RPGRIP1: variants seen among roughly 807,000 people sequenced by gnomAD.
RPGRIP1 encodes RPGR interacting protein 1, also known as X-linked retinitis pigmentosa GTPase regulator-interacting protein 1.
In RPGRIP1, 128 loss-of-function variants were observed where a neutral mutation model predicts 157.9. The observed-to-expected ratio is 0.81, with a 90% CI of 0.70 to 0.94. The LOEUF (loss-of-function observed/expected upper bound fraction) is 0.94. Ranked by LOEUF, RPGRIP1 falls within the 40% of genes least tolerant of loss-of-function variation. RPGRIP1 has a pLI of 0.00. For missense variants in RPGRIP1, 1,486 were observed against 1,545.8 expected (o/e 0.96, Z 0.65); for synonymous variants, 554 against 571.6 (o/e 0.97, Z 0.44).
intron 11 of RPGRIP1, among the ~76,000 whole-genome samples, chr14:21,318,428 A>G (rs1882016210): frequency 6.6e-6 from 1 of 151,558 alleles, no homozygotes. Context: ...TTTTTAATTT[A>G]TTATGTTTTT....
chr14:21,311,973 AAAT>A lies in RPGRIP1; in HGVS notation c.1077+11_1077+13del, dbSNP rs1240480666. The A allele has an allele frequency of 2.5e-6, 4 of 1,610,944 alleles. No homozygotes were observed. The South Asian group carries it at 3.3e-5, about 13-fold the overall frequency. On this transcript the variant is annotated splice_donor_5th_base_variant and intron_variant, in intron 9 of 24. Transcript: ENST00000400017. ...TCTTGCAGATGACTCTGAAGGAGGT[AAAT>A]AATAATAGTTGAAAGATACCATCTA...
chr14:21,284,540 A>ATTTTTTTTTTTTTTTTTTTTT (rs67923336), intron 1 of RPGRIP1, among the ~76,000 whole-genome samples: 1 of 130,462 alleles, frequency 7.7e-6, no homozygotes, highest in Non-Finnish European at 1.6e-5. Context: ...GGAGAACTAA[A>ATTTTTTTTTTTTTTTTTTTTT]TTTTTTTTTT....
At chr14:21,315,465 C>T (rs368963505) in intron 10 of RPGRIP1, among the ~76,000 whole-genome samples, 3 of 150,930 alleles carry the variant, frequency 2.0e-5, no homozygotes, top group Non-Finnish European at 4.4e-5. Flanking sequence ...CGAGATCGCG[C>T]CACTGCACTC....
chr14:21,325,734 C>G (rs1883008947), intron 16 of RPGRIP1, 97 bp from the exon 17 acceptor site: 1 of 898,308 alleles, frequency 1.1e-6, no homozygotes, highest in African/African-American at 1.7e-5. Context: ...GATAGCTGTT[C>G]TCTAGATCAT....
In RPGRIP1 at chr14:21,325,959, T is replaced by C. The variant is rs1883047452; in HGVS notation, c.2496T>C (p.Ser832=). Residue 832 remains serine, a synonymous_variant, in exon 17 of 25, where the codon TCT becomes TCC. Transcript: ENST00000400017. ...PYAVYRFFTF[S]DHDTAIIPAS... is the part of the protein sequence containing the mutation. Reference sequence around the variant, plus strand: ...CTGTGTACCGCTTCTTCACCTTTTCTGACCATGACACTGCCATCATTCCAG... The same window carrying C: ...CTGTGTACCGCTTCTTCACCTTTTCCGACCATGACACTGCCATCATTCCAG... The C allele has an allele frequency of 1.2e-6, 2 of 1,613,918 alleles. No individual in the cohort carries two copies. The highest frequency in any genetic ancestry group is 1.3e-5 in the African/African-American group (1 of 74,942).
rs758886206 is a variant in RPGRIP1, at chr14:21,321,388, A to T, written c.1597A>T (p.Asn533Tyr). The change falls in exon 13 of 25, where the codon AAC becomes TAC. Residue 533 changes from asparagine to tyrosine, a missense_variant. Physicochemically the swap from Asn to Tyr is moderately radical, Grantham distance 143. Transcript: ENST00000400017. ...CATGCTTATTCTGCAGCGCAAAATCAACGTGTGTTATCAGGTGCAAGGAAA... is the reference window on the plus strand; with the variant it reads ...CATGCTTATTCTGCAGCGCAAAATCTACGTGTGTTATCAGGTGCAAGGAAA... ...RDMLILQRKI[N>Y]VCYQEELEAM... The T allele has an allele frequency of 1.5e-5, 24 of 1,611,338 alleles. No individual in the cohort carries two copies. The Middle Eastern group carries it at 4.9e-4, about 33-fold the overall frequency.
At chr14:21,344,403 T>C (rs1012246939) in intron 22 of RPGRIP1, among the ~76,000 whole-genome samples, 3 of 152,200 alleles carry the variant, frequency 2.0e-5, no homozygotes, top group Non-Finnish European at 4.4e-5. Flanking sequence ...CTCTCCATCC[T>C]CTTGTTCTGC....
At position 21,317,782 on chromosome 14, in the gene RPGRIP1, T is replaced by G. The variant is rs1486475994; in HGVS notation, c.1238T>G (p.Leu413Arg). ...CAGCTACAGCAGCAAGTCTCTCAGC[T>G]GCAGGATCAGCTGGATGCTGAGCTG... ...AEQLQQQVSQ[L>R]QDQLDAELED... Residue 413 changes from leucine (L) to arginine (R), a missense_variant, in exon 11 of 25, where the codon CTG (leucine) becomes CGG (arginine). By Grantham distance (102) the Leu-to-Arg change is moderately radical. Coordinates refer to ENST00000400017, the MANE Select transcript of RPGRIP1 (RefSeq NM_020366.4). The G allele has an allele frequency of 1.2e-6, 2 of 1,602,226 alleles. No homozygotes were observed. Among genetic ancestry groups the G allele is most frequent in the Non-Finnish European group, 8.5e-7 (1 of 1,174,402 alleles).
chr14:21,301,616 G>A (rs1420889026), intron 4 of RPGRIP1, among the ~76,000 whole-genome samples: 1 of 151,486 alleles, frequency 6.6e-6, no homozygotes, highest in Non-Finnish European at 1.5e-5. Flanking sequence ...GGCGGAGGTT[G>A]CAGTGAGCTG....
At chr14:21,342,332 C>T (rs1440580275) in intron 21 of RPGRIP1, among the ~76,000 whole-genome samples, 2 of 151,994 alleles carry the variant, frequency 1.3e-5, no homozygotes, top group Non-Finnish European at 2.9e-5. Context: ...TGCTTGAGTC[C>T]AGGAGTTCTA....
chr14:21,345,040 A>G (rs1453563132), intron 22 of RPGRIP1, 73 bp from the exon 23 acceptor site: 1 of 936,184 alleles, frequency 1.1e-6, no homozygotes, highest in Admixed American at 1.8e-5. Flanking sequence ...CATGAATACC[A>G]CTAATGAAAG....
Position 21,310,169 on chromosome 14 carries a change from G to A in RPGRIP1, c.907-415G>A, listed in dbSNP as rs1285202669. Among the ~76,000 whole-genome samples the A allele has an allele frequency of 2.3e-5, 3 of 129,774 alleles. 1 individual carries two copies. The highest frequency in any genetic ancestry group is 2.3e-4 in the East Asian group (1 of 4,370). 85.1% of individuals were successfully genotyped at this position (129,774 alleles called of 152,430 possible). On this transcript the variant is annotated intron_variant, in intron 7 of 24. Transcript: ENST00000400017. ...GTGAAATGATTATAATGATCATGAT[G>A]TGGCAGGTAATGAAACACATAGTAA...
intron 10 of RPGRIP1, among the ~76,000 whole-genome samples, chr14:21,315,422 T>G (rs1273920161): frequency 1.2e-4 from 18 of 150,184 alleles, no homozygotes; most frequent in African/African-American, 3.9e-4. Context: ...CAGGACAATG[T>G]CGTGAATCCG....
At chr14:21,348,429 C>T in intron 24 of RPGRIP1, 127 bp downstream of exon 24, 1 of 722,334 alleles carries the variant, frequency 1.4e-6, no homozygotes, top group South Asian at 2.2e-5. Flanking sequence ...GAAATCTTAT[C>T]CCTACAACTG....
At chr14:21,345,363 C>T (rs1160173072) in intron 23 of RPGRIP1, among the ~76,000 whole-genome samples, 166 bp downstream of exon 23, 2 of 152,010 alleles carry the variant, frequency 1.3e-5, no homozygotes, top group Non-Finnish European at 2.9e-5. Flanking sequence ...TTGTGACTAC[C>T]TAATCCATTA....
intron 3 of RPGRIP1, among the ~76,000 whole-genome samples, chr14:21,297,664 C>T (rs555787800): frequency 6.6e-6 from 1 of 152,148 alleles, no homozygotes; most frequent in East Asian, 1.9e-4. Flanking sequence ...AGAATATGCA[C>T]ACCAGGGGAA....
chr14:21,343,534 A>G (rs945351001), intron 22 of RPGRIP1, among the ~76,000 whole-genome samples: 8 of 152,100 alleles, frequency 5.3e-5, no homozygotes, highest in Admixed American at 4.6e-4. Context: ...TCTGTTGCCC[A>G]GGCTAGAATG....
At position 21,320,065 on chromosome 14, in the gene RPGRIP1, A is replaced by G. The variant is rs1436629419; in HGVS notation, c.1355A>G (p.His452Arg). ...KLEVTNILQK[H>R]KQEVELLQNA... ...GAAGTCACCAACATACTTCAGAAGC[A>G]TAAACAGGAAGTAGAGCTCCTCCAA... The change falls in exon 12 of 25, where the codon CAT (histidine) becomes CGT (arginine). Residue 452 changes from histidine (H) to arginine (R), a missense_variant. Transcript: ENST00000400017. The G allele has an allele frequency of 8.1e-6, 13 of 1,613,602 alleles. No homozygotes were observed. The highest frequency in any genetic ancestry group is 2.2e-5 in the East Asian group (1 of 44,878).
At chr14:21,287,039 G>A (rs1437704907) in intron 1 of RPGRIP1, among the ~76,000 whole-genome samples, 1 of 149,396 alleles carries the variant, frequency 6.7e-6, no homozygotes, top group African/African-American at 2.5e-5. Flanking sequence ...AAAAAAAGAG[G>A]AAAGAAAGAG....
Sources: gnomAD v4.1 joint callset for allele counts (sites outside exome capture counted in the v4.1 genomes callset) on GRCh38, gnomAD v4.1.1 for gene constraint, MANE v1.5 for transcripts, NCBI Gene and HGNC (gene_info 2026-07-23, HGNC 2026-07-21) for gene names.